Variants in KCNMA1 observed in about 807,000 individuals in gnomAD.
KCNMA1 encodes Calcium-activated potassium channel subunit alpha-1.
A neutral mutation model predicts 140.0 loss-of-function variants in KCNMA1; 29 were observed. The ratio of observed to expected loss-of-function variants is 0.21; its 90% CI spans 0.15 to 0.28. The LOEUF (loss-of-function observed/expected upper bound fraction) is 0.28, where lower values mean the gene tolerates loss of function less well. Ranked by LOEUF, KCNMA1 falls within the 10% of genes least tolerant of loss-of-function variation. The pLI is 1.00. For synonymous variants in KCNMA1, 612 were observed against 611.9 expected (o/e 1.00, Z 0.00); for missense variants, 880 against 1,602.2 (o/e 0.55, Z 7.70).
chr10:77,604,693 C>A (rs941305755), intron 1 of KCNMA1, among the ~76,000 whole-genome samples: 1 of 151,978 alleles, frequency 6.6e-6, no homozygotes, highest in Non-Finnish European at 1.5e-5. Context: ...TCCCCCGCCC[C>A]CCAAAAAAAA....
chr10:77,130,332 C>T (rs1284587286), intron 5 of KCNMA1, among the ~76,000 whole-genome samples: 2 of 152,110 alleles, frequency 1.3e-5, no homozygotes, highest in African/African-American at 2.4e-5. Flanking sequence ...GATGATTTTG[C>T]CCAACAGTAG....
At chr10:77,177,407 C>T (rs1421720422) in intron 5 of KCNMA1, among the ~76,000 whole-genome samples, 1 of 149,950 alleles carries the variant, frequency 6.7e-6, no homozygotes, top group East Asian at 2.0e-4. Context: ...TTCCTTCCTT[C>T]CTTCTTTCCT....
At chr10:77,099,942 A>G (rs2153822036) in intron 9 of KCNMA1, among the ~76,000 whole-genome samples, 1 of 152,324 alleles carries the variant, frequency 6.6e-6, no homozygotes, top group Non-Finnish European at 1.5e-5. Context: ...TTCAATGGGT[A>G]TGTTCAACAA....
At chr10:77,210,735 T>A (rs1208895984) in intron 3 of KCNMA1, among the ~76,000 whole-genome samples, 1 of 152,178 alleles carries the variant, frequency 6.6e-6, no homozygotes, top group Non-Finnish European at 1.5e-5. Flanking sequence ...ACAAAATCAA[T>A]GTACAAAAAT....
At chr10:77,511,722 T>C (rs1013843012) in intron 1 of KCNMA1, among the ~76,000 whole-genome samples, 1 of 152,242 alleles carries the variant, frequency 6.6e-6, no homozygotes, top group Admixed American at 6.5e-5. Context: ...CTCATCTGCG[T>C]ACTGTCAGCT....
rs1017808638 is a variant in KCNMA1 at position 76,974,480 on chromosome 10, C to G, written c.2267-4413G>C. 5.9e-6 allele frequency: 9 copies of G among 1,523,336 alleles called. No individual in the cohort carries two copies. In the African/African-American group the frequency reaches 1.2e-4, roughly 21 times the overall value. The allele number at this position is 1,523,336 out of a possible 1,614,324, so 94.4% of individuals were successfully genotyped here. A position where few individuals can be genotyped will look rare whatever the true frequency, so the allele number is the denominator to read the frequency against. ...AAAAATGGGAATGGGTCCCAGTCTT[C>G]CTTCACCTGGCTCGGTCACAAGCCG... On this transcript the variant is annotated intron_variant, in intron 19 of 27. Coordinates refer to ENST00000286628, the MANE Select transcript of KCNMA1 (RefSeq NM_001161352.2).
chr10:76,964,381 C>G (rs1275912733), intron 20 of KCNMA1, among the ~76,000 whole-genome samples: 1 of 152,134 alleles, frequency 6.6e-6, no homozygotes. Context: ...GGAGAACCAA[C>G]ACGTTCATCA....
chr10:77,069,982 A>C (rs1374927779), intron 14 of KCNMA1, among the ~76,000 whole-genome samples: 1 of 152,042 alleles, frequency 6.6e-6, no homozygotes, highest in Non-Finnish European at 1.5e-5. Context: ...GGCCCAGCTA[A>C]TTTTTGTATT....
At chr10:76,887,580 G>T (rs1042665501) in intron 27 of KCNMA1, 65 bp from the exon 28 acceptor site, 25 of 1,588,264 alleles carry the variant, frequency 1.6e-5, no homozygotes, top group East Asian at 6.7e-5. Flanking sequence ...AACTCTCTCT[G>T]AACCAAAAGC....
At chr10:77,547,917 G>C (rs1345139452) in intron 1 of KCNMA1, among the ~76,000 whole-genome samples, 1 of 152,070 alleles carries the variant, frequency 6.6e-6, no homozygotes, top group Non-Finnish European at 1.5e-5. Flanking sequence ...GTCTGTGGCT[G>C]ATTTCATGCT....
intron 1 of KCNMA1, among the ~76,000 whole-genome samples, chr10:77,598,414 G>A (rs939320046): frequency 1.3e-5 from 2 of 152,154 alleles, no homozygotes; most frequent in African/African-American, 4.8e-5. Flanking sequence ...AAACCTGTTT[G>A]CCTATCTTGA....
At chr10:76,896,558 T>C (rs1332980801) in intron 25 of KCNMA1, among the ~76,000 whole-genome samples, 1 of 152,236 alleles carries the variant, frequency 6.6e-6, no homozygotes, top group African/African-American at 2.4e-5. Flanking sequence ...TTAAGAGTAC[T>C]GATTGGGGAA....
intron 1 of KCNMA1, among the ~76,000 whole-genome samples, chr10:77,459,734 C>A (rs1364383026): frequency 6.6e-6 from 1 of 152,222 alleles, no homozygotes; most frequent in Non-Finnish European, 1.5e-5. Flanking sequence ...CAGGGGCCCG[C>A]TCTTGGCATA....
intron 25 of KCNMA1, among the ~76,000 whole-genome samples, chr10:76,895,215 C>T (rs2041993231): frequency 6.6e-6 from 1 of 152,116 alleles, no homozygotes; most frequent in Non-Finnish European, 1.5e-5. Flanking sequence ...GTTGTGAGCC[C>T]TTAAAAGGGA....
chr10:76,883,138 G>A (rs1277670280), downstream of KCNMA1, among the ~76,000 whole-genome samples: 1 of 152,160 alleles, frequency 6.6e-6, no homozygotes, highest in East Asian at 1.9e-4. Flanking sequence ...TACTCATTGA[G>A]CTTACAGGGC....
intron 1 of KCNMA1, among the ~76,000 whole-genome samples, chr10:77,517,665 C>G (rs538349645): frequency 1.3e-5 from 2 of 152,146 alleles, no homozygotes; most frequent in Non-Finnish European, 2.9e-5. Flanking sequence ...TCTCCCCCTC[C>G]GACTCCTGCC....
intron 6 of KCNMA1, 76 bp downstream of exon 6, chr10:77,120,897 G>T (rs2097579169): frequency 3.7e-6 from 3 of 809,324 alleles, no homozygotes; most frequent in Non-Finnish European, 4.4e-6. Context: ...TCATTGTGAT[G>T]AAAGCAAGCA....
chr10:77,632,153 T>C (rs2154571255), intron 1 of KCNMA1, among the ~76,000 whole-genome samples: 1 of 152,314 alleles, frequency 6.6e-6, no homozygotes, highest in South Asian at 2.1e-4. Flanking sequence ...CCGCCAAGCC[T>C]GTGATGTGGC....
At chr10:77,409,913 G>A (rs1429094972) in intron 1 of KCNMA1, among the ~76,000 whole-genome samples, 2 of 152,164 alleles carry the variant, frequency 1.3e-5, no homozygotes, top group African/African-American at 2.4e-5. Context: ...CTATGAACAG[G>A]GATGAGTCCT....
Sources: gnomAD v4.1 joint callset for allele counts (sites outside exome capture counted in the v4.1 genomes callset) on GRCh38, gnomAD v4.1.1 for gene constraint, MANE v1.5 for transcripts, NCBI Gene and HGNC (gene_info 2026-07-23, HGNC 2026-07-21) for gene names.